Variants in PARD3B observed in about 807,000 individuals in gnomAD.
PARD3B encodes partitioning defective 3 homolog B.
PARD3B carries 103 observed loss-of-function variants against 130.2 expected under a neutral mutation model. That is an observed-to-expected ratio of 0.79 (90% CI 0.67 to 0.93). The LOEUF is 0.93. Ranked by LOEUF, PARD3B falls within the 40% of genes least tolerant of loss-of-function variation. The pLI is 0.00. For missense variants in PARD3B, 1,609 were observed against 1,499.2 expected, an observed-to-expected ratio of 1.07 and a Z score of -1.21; for synonymous variants, 583 against 553.2, an observed-to-expected ratio of 1.05 and a Z score of -0.76.
intron 18 of PARD3B, among the ~76,000 whole-genome samples, chr2:205,307,487 T>G (rs914497267): frequency 1.3e-5 from 2 of 152,186 alleles, no homozygotes; most frequent in African/African-American, 2.4e-5. Context: ...TTTCATTATA[T>G]GTTTGAGTTC....
At chr2:204,554,127 A>G (rs2125046766) in intron 1 of PARD3B, among the ~76,000 whole-genome samples, 1 of 152,250 alleles carries the variant, frequency 6.6e-6, no homozygotes, top group East Asian at 1.9e-4. Flanking sequence ...TCTATTGTCC[A>G]TTCTCAGGCT....
intron 20 of PARD3B, among the ~76,000 whole-genome samples, chr2:205,496,988 G>A (rs2049950566): frequency 6.6e-6 from 1 of 151,846 alleles, no homozygotes; most frequent in Admixed American, 6.6e-5. Context: ...CTGTGCGTTG[G>A]ATACAGACAC....
rs571590314 is a variant in PARD3B, at chr2:204,704,360, A to G, written c.222+18078A>G. 4.6e-5 allele frequency among the ~76,000 whole-genome samples: 7 copies of G among 152,324 alleles called. No homozygotes were observed. In the South Asian group the frequency reaches 1.2e-3, roughly 27 times the overall value. Reference sequence around the variant, plus strand: ...GCTCTTGTTACTTCAGGTAAGACACATGACATCCATTGATGCAACTGAAAT... The same window carrying G: ...GCTCTTGTTACTTCAGGTAAGACACGTGACATCCATTGATGCAACTGAAAT... On this transcript the variant is annotated intron_variant, in intron 2 of 22. Transcript: ENST00000406610.
chr2:205,451,895 A>G (rs756723688), intron 20 of PARD3B, among the ~76,000 whole-genome samples: 3 of 152,164 alleles, frequency 2.0e-5, no homozygotes, highest in Admixed American at 2.0e-4. Context: ...CTGTTGTGCT[A>G]TCAAATACTA....
At chr2:204,725,110 C>A (rs938820986) in intron 2 of PARD3B, among the ~76,000 whole-genome samples, 20 of 152,068 alleles carry the variant, frequency 1.3e-4, no homozygotes, top group African/African-American at 4.3e-4. Flanking sequence ...TGAGGAAAGA[C>A]AAATCTAGAT....
chr2:205,135,630 T>C (rs1013353741), intron 10 of PARD3B, among the ~76,000 whole-genome samples: 3 of 151,728 alleles, frequency 2.0e-5, no homozygotes, highest in Non-Finnish European at 4.4e-5. Context: ...TAAATAACAA[T>C]CTGTTGCTAC....
chr2:205,498,509 A>G (rs1299545314), intron 20 of PARD3B, among the ~76,000 whole-genome samples: 1 of 152,172 alleles, frequency 6.6e-6, no homozygotes, highest in African/African-American at 2.4e-5. Context: ...CTCAAAAAAA[A>G]AAAAGAACTT....
intron 20 of PARD3B, among the ~76,000 whole-genome samples, chr2:205,499,521 T>A (rs780088211): frequency 6.6e-6 from 1 of 152,110 alleles, no homozygotes; most frequent in Non-Finnish European, 1.5e-5. Context: ...TGGAGCTTTG[T>A]CCCAAATTAG....
chr2:205,065,354 G>A (rs112951969), intron 4 of PARD3B, among the ~76,000 whole-genome samples: 1,679 of 152,270 alleles, frequency 0.011, 25 homozygotes, highest in African/African-American at 0.036. Flanking sequence ...TTCTGTTGAC[G>A]ACAACAGTAG....
At chr2:204,549,086 T>C (rs1462154394) in intron 1 of PARD3B, among the ~76,000 whole-genome samples, 1 of 152,120 alleles carries the variant, frequency 6.6e-6, no homozygotes, top group African/African-American at 2.4e-5. Context: ...GAAAACCTAT[T>C]TGTGGAATGT....
chr2:204,561,571 C>A (rs184645509), intron 1 of PARD3B, among the ~76,000 whole-genome samples: 92 of 151,730 alleles, frequency 6.1e-4, no homozygotes, highest in African/African-American at 2.1e-3. Flanking sequence ...ACAGCTCTAG[C>A]CCTATGTACT....
At chr2:205,240,637 G>A (rs2039311145) in intron 15 of PARD3B, among the ~76,000 whole-genome samples, 3 of 152,116 alleles carry the variant, frequency 2.0e-5, no homozygotes, top group African/African-American at 7.2e-5. Context: ...AGAGACTTGT[G>A]CATGATAGCA....
intron 4 of PARD3B, among the ~76,000 whole-genome samples, chr2:205,056,228 A>G (rs903517247): frequency 1.3e-5 from 2 of 151,978 alleles, no homozygotes; most frequent in Admixed American, 6.6e-5. Flanking sequence ...TTATCACAGC[A>G]TAAACGCTTC....
At chr2:204,615,233 A>G (rs1031032897) in intron 1 of PARD3B, among the ~76,000 whole-genome samples, 1 of 152,150 alleles carries the variant, frequency 6.6e-6, no homozygotes, top group Non-Finnish European at 1.5e-5. Context: ...CTCCTTTGAT[A>G]CTACACCAAA....
At chr2:205,425,111 C>T (rs577003576) in intron 19 of PARD3B, among the ~76,000 whole-genome samples, 9 of 152,254 alleles carry the variant, frequency 5.9e-5, no homozygotes, top group Non-Finnish European at 1.2e-4. Context: ...TTAATGTCTT[C>T]AACACTAATG....
chr2:204,776,067 A>T (rs568524449), intron 2 of PARD3B, among the ~76,000 whole-genome samples: 1 of 151,728 alleles, frequency 6.6e-6, no homozygotes, highest in East Asian at 1.9e-4. Context: ...GCTAGAAAAA[A>T]CTCTTCCAGT....
chr2:204,722,591 G>T (rs963898519), intron 2 of PARD3B, among the ~76,000 whole-genome samples: 1 of 152,142 alleles, frequency 6.6e-6, no homozygotes, highest in East Asian at 1.9e-4. Context: ...GAAGAGATAC[G>T]AGGCTTTAGG....
intron 16 of PARD3B, among the ~76,000 whole-genome samples, chr2:205,282,314 A>T (rs558014300): frequency 1.3e-5 from 2 of 151,958 alleles, no homozygotes; most frequent in Non-Finnish European, 2.9e-5. Flanking sequence ...TTCATTCTTG[A>T]TAACAGTGTA....
At position 205,546,837 on chromosome 2, in the gene PARD3B, A is replaced by G. The variant is rs2052400928; in HGVS notation, c.3181-6487A>G. Among the ~76,000 whole-genome samples, 3 of 152,212 alleles carry G rather than the reference A, an allele frequency of 2.0e-5. No individual in the cohort carries two copies. The South Asian group carries it at 6.2e-4, about 32-fold the overall frequency. On this transcript the variant is annotated intron_variant, in intron 21 of 22. Transcript: ENST00000406610. The stretch of plus-strand genomic sequence containing the variant: ...ACATGAATTATGATTTCTCCATATA[A>G]TGGGATATTATATAGCCATTAAAAA...
Sources: gnomAD v4.1 joint callset for allele counts (sites outside exome capture counted in the v4.1 genomes callset) on GRCh38, gnomAD v4.1.1 for gene constraint, MANE v1.5 for transcripts, NCBI Gene and HGNC (gene_info 2026-07-23, HGNC 2026-07-21) for gene names.